EVI5: variants seen among roughly 807,000 people sequenced by gnomAD.
The protein encoded by EVI5 is ecotropic viral integration site 5.
In EVI5, 73 loss-of-function variants were observed where a neutral mutation model predicts 112.0. That is an observed-to-expected ratio of 0.65 (90% CI 0.54 to 0.79). The LOEUF (loss-of-function observed/expected upper bound fraction) is 0.79. Among genes scored for constraint, EVI5 ranks in the 30% least tolerant of loss-of-function variants. EVI5 has a pLI of 0.00. For missense variants in EVI5, 900 were observed against 968.8 expected (o/e 0.93, Z 0.94); for synonymous variants, 305 against 319.9 (o/e 0.95, Z 0.50).
chr1:92,665,701 C>A (rs1256231235), intron 11 of EVI5, among the ~76,000 whole-genome samples: 2 of 152,120 alleles, frequency 1.3e-5, no homozygotes, highest in Admixed American at 6.5e-5. Context: ...CAAATAGTAT[C>A]AATATGTTAC....
At chr1:92,603,219 C>T (rs1399169604) in intron 18 of EVI5, among the ~76,000 whole-genome samples, 1 of 151,970 alleles carries the variant, frequency 6.6e-6, no homozygotes, top group Non-Finnish European at 1.5e-5. Flanking sequence ...GGTGCAAATG[C>T]GGAAAAAATG....
At chr1:92,726,493 T>C (rs1296193866) in intron 2 of EVI5, among the ~76,000 whole-genome samples, 2 of 152,064 alleles carry the variant, frequency 1.3e-5, no homozygotes, top group Non-Finnish European at 2.9e-5. Context: ...AAAGCCAAAA[T>C]GATGACCTTC....
intron 18 of EVI5, among the ~76,000 whole-genome samples, chr1:92,571,379 C>G (rs1412449234): frequency 6.6e-6 from 1 of 151,828 alleles, no homozygotes; most frequent in Non-Finnish European, 1.5e-5. Context: ...ATGGGATATT[C>G]TGATTCAACA....
rs74596074 is a variant in EVI5, at chr1:92,537,584, T to C, written c.2167-23614A>G. 4.5e-3 allele frequency among the ~76,000 whole-genome samples: 684 copies of C among 152,194 alleles called. 10 individuals are homozygous for C. Among genetic ancestry groups the C allele is most frequent in the African/African-American group, 0.016 (648 of 41,546 alleles). On this transcript the variant is annotated intron_variant, in intron 19 of 19. Coordinates refer to ENST00000684568, the MANE Select transcript of EVI5 (RefSeq NM_001350197.2). ...AAAATAAATGTAATGGGAGATGATATGCAAAATTTATTCTCAATTATCAGC... is the reference window on the plus strand; with the variant it reads ...AAAATAAATGTAATGGGAGATGATACGCAAAATTTATTCTCAATTATCAGC...
Position 92,662,744 on chromosome 1 carries a change from CTGA to C in EVI5, c.1364_1366del (p.Ile455del), listed in dbSNP as rs1558020412. On this transcript the variant is annotated inframe_deletion, in exon 13 of 20. Coordinates refer to ENST00000684568, the MANE Select transcript of EVI5 (RefSeq NM_001350197.2). The stretch of plus-strand genomic sequence containing the variant: ...CCATTGTTGTTGGTGCTGGAGCTTC[CTGA>C]TGGTATTTTCAGCTTGCTCCAGCTT... 7.8e-7 allele frequency: 1 copy of C among 1,283,598 alleles called. No individual in the cohort carries two copies. The highest frequency in any genetic ancestry group is 5.7e-5 in the East Asian group (1 of 17,600). The allele number at this position is 1,283,598 out of a possible 1,614,324, so 79.5% of individuals were successfully genotyped here. A position where few individuals can be genotyped will look rare whatever the true frequency, so the allele number is the denominator to read the frequency against.
intron 19 of EVI5, among the ~76,000 whole-genome samples, chr1:92,539,560 A>AAAAACC (rs1664468450): frequency 1.5e-5 from 2 of 137,730 alleles, no homozygotes; most frequent in Non-Finnish European, 3.1e-5. Context: ...AAAAAAAAAA[A>AAAAACC]AAAAAATCTT....
At chr1:92,649,058 C>T (rs939840797) in intron 13 of EVI5, among the ~76,000 whole-genome samples, 10 of 152,156 alleles carry the variant, frequency 6.6e-5, no homozygotes, top group African/African-American at 2.4e-4. Flanking sequence ...AAAATTATAG[C>T]CATCCATTAT....
chr1:92,784,804 C>G, intron 1 of EVI5, 32 bp downstream of exon 1: 2 of 985,246 alleles, frequency 2.0e-6, no homozygotes, highest in Non-Finnish European at 2.4e-6. Context: ...CCCGGCCTCC[C>G]GGCCCGCCCG....
At chr1:92,768,005 C>T (rs1455944593) in intron 1 of EVI5, among the ~76,000 whole-genome samples, 3 of 150,512 alleles carry the variant, frequency 2.0e-5, no homozygotes, top group Non-Finnish European at 2.9e-5. Context: ...ACTTGAACCT[C>T]GGAGGCGGAG....
chr1:92,617,864 C>G (rs185991059), intron 16 of EVI5, among the ~76,000 whole-genome samples: 1 of 152,332 alleles, frequency 6.6e-6, no homozygotes, highest in Admixed American at 6.5e-5. Context: ...GCCAAGACCA[C>G]CATCTGTGCA....
chr1:92,669,124 G>T (rs1665412975), intron 10 of EVI5, among the ~76,000 whole-genome samples: 1 of 152,164 alleles, frequency 6.6e-6, no homozygotes, highest in Admixed American at 6.5e-5. Context: ...CAAATACTCA[G>T]TTAATGATAA....
intron 18 of EVI5, among the ~76,000 whole-genome samples, chr1:92,603,559 G>T (rs990630542): frequency 2.6e-5 from 4 of 151,892 alleles, no homozygotes; most frequent in South Asian, 2.1e-4. Flanking sequence ...ATAAAAAATG[G>T]TTTTTCTTTC....
At chr1:92,529,248 A>T (rs1662438775) in intron 19 of EVI5, among the ~76,000 whole-genome samples, 1 of 152,232 alleles carries the variant, frequency 6.6e-6, no homozygotes, top group Non-Finnish European at 1.5e-5. Context: ...GTCTTACTAG[A>T]CACACTCTTC....
chr1:92,776,889 G>A (rs1320946579), intron 1 of EVI5, among the ~76,000 whole-genome samples: 3 of 150,632 alleles, frequency 2.0e-5, no homozygotes, highest in Non-Finnish European at 4.4e-5. Context: ...TGCAAGCTCC[G>A]CCTCCCGGGT....
intron 17 of EVI5, among the ~76,000 whole-genome samples, chr1:92,606,517 C>A (rs528954074): frequency 7.6e-4 from 116 of 152,232 alleles, no homozygotes; most frequent in African/African-American, 2.6e-3. Context: ...TAGTCATATC[C>A]TTCAAAAGTG....
chr1:92,669,413 T>C (rs541260376), intron 10 of EVI5, among the ~76,000 whole-genome samples: 1 of 151,892 alleles, frequency 6.6e-6, no homozygotes, highest in African/African-American at 2.4e-5. Context: ...CCTGGCATGG[T>C]GGCGCATGCC....
At chr1:92,771,544 G>A (rs1244972252) in intron 1 of EVI5, among the ~76,000 whole-genome samples, 5 of 151,950 alleles carry the variant, frequency 3.3e-5, no homozygotes, top group African/African-American at 7.2e-5. Context: ...TACAGCGCTA[G>A]AATCCATAAG....
At chr1:92,547,149 T>C (rs191180862) in intron 19 of EVI5, among the ~76,000 whole-genome samples, 61 of 152,314 alleles carry the variant, frequency 4.0e-4, no homozygotes, top group African/African-American at 1.4e-3. Context: ...ACAAACTGTG[T>C]CTCAGACCAC....
intron 1 of EVI5, among the ~76,000 whole-genome samples, chr1:92,739,534 T>C (rs1443964933): frequency 6.6e-6 from 1 of 152,104 alleles, no homozygotes; most frequent in Non-Finnish European, 1.5e-5. Context: ...TTGCACAACC[T>C]TGTGAATATA....
Sources: gnomAD v4.1 joint callset for allele counts (sites outside exome capture counted in the v4.1 genomes callset) on GRCh38, gnomAD v4.1.1 for gene constraint, MANE v1.5 for transcripts, NCBI Gene and HGNC (gene_info 2026-07-23, HGNC 2026-07-21) for gene names.